The following PDK3 variants were observed in gnomAD, a reference collection of about 807,000 sequenced individuals.
PDK3 encodes pyruvate dehydrogenase kinase, isozyme 3.
PDK3 carries 12 observed loss-of-function variants against 32.0 expected under a neutral mutation model. The observed-to-expected ratio is 0.37, with a 90% CI of 0.24 to 0.61. The LOEUF (loss-of-function observed/expected upper bound fraction) is 0.61. PDK3 is among the 20% of genes least tolerant of loss of function. PDK3 has a pLI of 0.65. For missense variants in PDK3, 188 were observed against 316.9 expected, an observed-to-expected ratio of 0.59 and a Z score of 3.09; for synonymous variants, 122 against 116.3, an observed-to-expected ratio of 1.05 and a Z score of -0.31.
chrX:24,487,609 A>G (rs775014829), intron 1 of PDK3, among the ~76,000 whole-genome samples: 4 of 111,923 alleles, frequency 3.6e-5, no homozygotes, highest in African/African-American at 1.3e-4. Context: ...TTAGTTGGTG[A>G]TATTAATCGA....
intron 1 of PDK3, among the ~76,000 whole-genome samples, chrX:24,480,834 G>A (rs1003988766): frequency 1.1e-4 from 12 of 111,639 alleles, no homozygotes; most frequent in African/African-American, 3.6e-4. Context: ...ATAAATTTAC[G>A]TATGCTAGTC....
intron 1 of PDK3, among the ~76,000 whole-genome samples, chrX:24,492,395 C>T (rs1175445260): frequency 1.4e-4 from 15 of 109,567 alleles, no homozygotes; most frequent in Non-Finnish European, 1.5e-4. Context: ...TCGAGACCAG[C>T]CTGGCCAACA....
At chrX:24,539,435 T>C (rs1471478427) in exon 12 of PDK3, 25 of 328,355 alleles carry the variant, frequency 7.6e-5, no homozygotes, top group Non-Finnish European at 1.2e-4. Context: ...CTTACAGCTC[T>C]TGTGCCCTCG....
chrX:24,498,162 C>T (rs1354015127), intron 2 of PDK3, among the ~76,000 whole-genome samples: 4 of 112,151 alleles, frequency 3.6e-5, no homozygotes, highest in Non-Finnish European at 7.5e-5. Context: ...ACATGTGTTT[C>T]TTAAAATGTA....
In PDK3 at chrX:24,531,407, A is replaced by T. The variant is rs150725553; in HGVS notation, c.964-250A>T. Among the ~76,000 whole-genome samples the T allele has an allele frequency of 9.5e-3, 1,072 of 112,478 alleles. 7 individuals are homozygous for T. The highest frequency in any genetic ancestry group is 0.015 in the Non-Finnish European group (825 of 53,311). On this transcript the variant is annotated intron_variant, in intron 9 of 10. Transcript: ENST00000379162. Reference sequence around the variant, plus strand: ...TGATAAAATTTTGCTTTAAAATGCTAAAAAAGCATTAGTCAAAAATTAGAA... The same window carrying T: ...TGATAAAATTTTGCTTTAAAATGCTTAAAAAGCATTAGTCAAAAATTAGAA...
At chrX:24,519,893 T>G (rs1922353498) in intron 6 of PDK3, among the ~76,000 whole-genome samples, 1 of 112,096 alleles carries the variant, frequency 8.9e-6, no homozygotes, top group African/African-American at 3.2e-5. Flanking sequence ...TTCAGAACAC[T>G]TATTATAAGA....
intron 6 of PDK3, among the ~76,000 whole-genome samples, chrX:24,524,418 A>G (rs1285587903): frequency 8.9e-6 from 1 of 111,743 alleles, no homozygotes; most frequent in African/African-American, 3.3e-5. Context: ...GCGAAATGGC[A>G]TGGACCAACT....
intron 5 of PDK3, among the ~76,000 whole-genome samples, chrX:24,518,097 ATAG>A (rs1459693912): frequency 6.2e-5 from 7 of 112,302 alleles, no homozygotes; most frequent in Non-Finnish European, 1.3e-4. Context: ...TATTTTGGTA[ATAG>A]TATAAGTTAA....
At chrX:24,526,381 C>A (rs1226019717) in intron 7 of PDK3, 107 bp downstream of exon 7, 2 of 481,566 alleles carry the variant, frequency 4.2e-6, no homozygotes, top group African/African-American at 2.4e-5. Context: ...TTTGCATAAC[C>A]ATTTTAAAAA....
chrX:24,525,680 A>T (rs1922505229), intron 6 of PDK3, among the ~76,000 whole-genome samples: 1 of 111,989 alleles, frequency 8.9e-6, no homozygotes, highest in Admixed American at 9.5e-5. Flanking sequence ...TTTATGTGCT[A>T]GCTGCTTGAG....
intron 6 of PDK3, 43 bp from the exon 7 acceptor site, chrX:24,526,155 A>G (rs921519292): frequency 9.6e-6 from 9 of 935,375 alleles, no homozygotes; most frequent in Middle Eastern, 2.6e-4. Context: ...AATTTCTCCT[A>G]CTTTGGGTCC....
At chrX:24,501,395 A>G (rs192935443) in intron 3 of PDK3, among the ~76,000 whole-genome samples, 1 of 112,957 alleles carries the variant, frequency 8.9e-6, no homozygotes, top group East Asian at 2.8e-4. Flanking sequence ...GCTACTATAA[A>G]CAATGCTTTA....
At chrX:24,534,751 C>T (rs1273713312), downstream of PDK3, among the ~76,000 whole-genome samples, 2 of 112,048 alleles carry the variant, frequency 1.8e-5, no homozygotes, top group Non-Finnish European at 3.8e-5. Flanking sequence ...GAGTTCAAGA[C>T]CAGCCTAGGC....
chrX:24,465,687 G>A, intron 1 of PDK3, 126 bp downstream of exon 1: 1 of 519,051 alleles, frequency 1.9e-6, no homozygotes, highest in Non-Finnish European at 3.2e-6. Context: ...ATATCCGGGG[G>A]GCTCTCCTGG....
chrX:24,500,348 A>G (rs1057322691), intron 3 of PDK3, among the ~76,000 whole-genome samples: 1 of 112,085 alleles, frequency 8.9e-6, no homozygotes, highest in African/African-American at 3.2e-5. Flanking sequence ...TGTATGCACT[A>G]TTTTAGATAA....
At position 24,545,024 on chromosome X, in the gene PDK3, G is replaced by A. The variant is rs191047119; in HGVS notation, c.*5860G>A. Among the ~76,000 whole-genome samples the A allele has an allele frequency of 3.6e-5, 4 of 112,333 alleles. No individual in the cohort carries two copies. The East Asian group carries it at 1.1e-3, about 31-fold the overall frequency. On this transcript the variant is annotated 3_prime_UTR_variant, in exon 12 of 12. Coordinates refer to the PDK3 transcript ENST00000568479. ...CCTGTCTCATTGATTAGAGATATCA[G>A]TACCTTCTGGTTTGAAAATAGAGGA...
chrX:24,550,436 A>C (rs1055186), exon 12 of PDK3: 18,286 of 111,176 alleles, frequency 0.16, 1,461 homozygotes, highest in Non-Finnish European at 0.25. Context: ...TACCCCAATA[A>C]TCAGAACAAT....
At chrX:24,547,658 C>T (rs1181143716) in exon 12 of PDK3, 1 of 112,385 alleles carries the variant, frequency 8.9e-6, no homozygotes, top group East Asian at 2.8e-4. Flanking sequence ...TTGAAAAGTT[C>T]TACTCATTTT....
At chrX:24,511,835 T>G (rs1922127245) in intron 5 of PDK3, among the ~76,000 whole-genome samples, 2 of 94,945 alleles carry the variant, frequency 2.1e-5, no homozygotes, top group Non-Finnish European at 4.2e-5. Context: ...GCAACAAGAG[T>G]GAAGCTCCAT....
Sources: gnomAD v4.1 joint callset for allele counts (sites outside exome capture counted in the v4.1 genomes callset) on GRCh38, gnomAD v4.1.1 for gene constraint, MANE v1.5 for transcripts, NCBI Gene and HGNC (gene_info 2026-07-23, HGNC 2026-07-21) for gene names.